Variants in UBE3D observed in about 807,000 individuals in gnomAD.
UBE3D encodes the protein ubiquitin protein ligase E3D.
In UBE3D, 48 loss-of-function variants were observed where a neutral mutation model predicts 49.6. The ratio of observed to expected loss-of-function variants is 0.97; its 90% CI spans 0.77 to 1.23. UBE3D has a LOEUF of 1.23. UBE3D is among the 50% of genes most tolerant of loss of function. UBE3D has a pLI of 0.00. For missense variants in UBE3D, 452 were observed against 468.4 expected (o/e 0.96, Z 0.32); for synonymous variants, 189 against 174.2 (o/e 1.08, Z -0.67).
At chr6:82,888,136 C>A (rs902389205), downstream of UBE3D, among the ~76,000 whole-genome samples, 1 of 151,992 alleles carries the variant, frequency 6.6e-6, no homozygotes, top group Non-Finnish European at 1.5e-5. Context: ...TTTCAATCTG[C>A]AGAAAGCCTG....
chr6:83,062,674 C>T (rs941401394), intron 1 of UBE3D, among the ~76,000 whole-genome samples: 20 of 152,110 alleles, frequency 1.3e-4, no homozygotes, highest in African/African-American at 3.9e-4. Context: ...AACTAGCATA[C>T]AGTTTTATGC....
chr6:82,946,482 C>G (rs1338522384), intron 9 of UBE3D, among the ~76,000 whole-genome samples: 2 of 151,940 alleles, frequency 1.3e-5, no homozygotes, highest in Non-Finnish European at 2.9e-5. Flanking sequence ...ATTTCAACAC[C>G]AGACCTGTCC....
At chr6:82,969,607 AAAAAC>A (rs1324714425) in intron 8 of UBE3D, among the ~76,000 whole-genome samples, 1 of 152,044 alleles carries the variant, frequency 6.6e-6, no homozygotes, top group African/African-American at 2.4e-5. Context: ...GACCCTCTCT[AAAAAC>A]AAAACAAAAC....
chr6:82,899,988 G>A (rs1318293893), intron 9 of UBE3D, among the ~76,000 whole-genome samples: 2 of 152,174 alleles, frequency 1.3e-5, no homozygotes, highest in Non-Finnish European at 2.9e-5. Context: ...GGGTGTTAAA[G>A]CACAAGATAT....
At position 82,892,892 on chromosome 6, in the gene UBE3D, A is replaced by G; in HGVS notation, c.*130T>C. The G allele has an allele frequency of 8.3e-6, 9 of 1,082,424 alleles. No individual in the cohort carries two copies. The highest frequency in any genetic ancestry group is 1.3e-5 in the Non-Finnish European group (9 of 705,562). The allele number at this position is 1,082,424 out of a possible 1,614,324, so 67.1% of individuals were successfully genotyped here. A position where few individuals can be genotyped will look rare whatever the true frequency, so the allele number is the denominator to read the frequency against. On this transcript the variant is annotated 3_prime_UTR_variant, in exon 10 of 10. Transcript: ENST00000369747. Reference sequence around the variant, plus strand: ...GCAAACAAGTAAACTTAAAACTTCAATGCAATGCTCTTATCCCATAGCTCT... The same window carrying G: ...GCAAACAAGTAAACTTAAAACTTCAGTGCAATGCTCTTATCCCATAGCTCT...
At chr6:82,913,378 G>A (rs954120280) in intron 9 of UBE3D, among the ~76,000 whole-genome samples, 1 of 152,176 alleles carries the variant, frequency 6.6e-6, no homozygotes, top group Non-Finnish European at 1.5e-5. Flanking sequence ...CTCAGAAAAG[G>A]AATGACAGGG....
chr6:82,976,886 G>A (rs1173137029), intron 8 of UBE3D, among the ~76,000 whole-genome samples: 3 of 151,934 alleles, frequency 2.0e-5, no homozygotes, highest in African/African-American at 7.2e-5. Context: ...AGGCCGAGGC[G>A]GGCAGATCAT....
At chr6:82,949,111 T>G (rs1173409633) in intron 9 of UBE3D, among the ~76,000 whole-genome samples, 2 of 152,086 alleles carry the variant, frequency 1.3e-5, no homozygotes, top group Non-Finnish European at 2.9e-5. Flanking sequence ...ATCTTATATT[T>G]AGAAAAACCT....
intron 8 of UBE3D, among the ~76,000 whole-genome samples, chr6:83,001,341 C>G (rs534202233): frequency 6.6e-6 from 1 of 152,204 alleles, no homozygotes; most frequent in Non-Finnish European, 1.5e-5. Context: ...ATACCTAGCA[C>G]AAGAGTACAC....
intron 8 of UBE3D, among the ~76,000 whole-genome samples, chr6:83,006,243 A>AAAC (rs1431235220): frequency 4.0e-4 from 61 of 152,020 alleles, no homozygotes; most frequent in East Asian, 7.7e-4. Context: ...AACAAACAAA[A>AAAC]AAAAAAAAGT....
At chr6:82,900,311 A>G (rs989860711) in intron 9 of UBE3D, among the ~76,000 whole-genome samples, 3 of 152,190 alleles carry the variant, frequency 2.0e-5, no homozygotes, top group Non-Finnish European at 2.9e-5. Context: ...ATTTTAATAT[A>G]TCATATTTAA....
At chr6:82,940,333 G>A (rs1234291347) in intron 9 of UBE3D, among the ~76,000 whole-genome samples, 1 of 152,212 alleles carries the variant, frequency 6.6e-6, no homozygotes, top group African/African-American at 2.4e-5. Context: ...CATCCAAATT[G>A]CTGAGGCAAT....
rs76024011 is a variant in UBE3D, at chr6:83,056,249, A to G, written c.274+1577T>C. ...CAATACTATGTCCCTGGTGGTCTCT[A>G]TTCCTCCATCTCTAAAATCACAATC... On this transcript the variant is annotated intron_variant, in intron 2 of 9. Transcript: ENST00000369747. Among the ~76,000 whole-genome samples, 252 of 152,298 alleles carry G rather than the reference A, an allele frequency of 1.7e-3. 8 individuals are homozygous for G. The East Asian group carries it at 0.037, about 22-fold the overall frequency.
intron 9 of UBE3D, among the ~76,000 whole-genome samples, chr6:82,939,108 A>G (rs1458902769): frequency 6.6e-6 from 1 of 152,074 alleles, no homozygotes; most frequent in Non-Finnish European, 1.5e-5. Flanking sequence ...ATGTCATCAC[A>G]GAATTAGACA....
At chr6:82,943,149 T>A (rs1775138335) in intron 9 of UBE3D, among the ~76,000 whole-genome samples, 1 of 152,248 alleles carries the variant, frequency 6.6e-6, no homozygotes, top group Non-Finnish European at 1.5e-5. Flanking sequence ...GATTTCAGAC[T>A]TACATGGGGC....
chr6:82,905,568 C>T (rs759690643), intron 9 of UBE3D, among the ~76,000 whole-genome samples: 3 of 152,076 alleles, frequency 2.0e-5, no homozygotes, highest in South Asian at 4.1e-4. Context: ...CTACAGTGGC[C>T]TCTAAATGTT....
rs192363714 is a variant in UBE3D at position 83,006,097 on chromosome 6, C to T, written c.1010+12876G>A. Among the ~76,000 whole-genome samples the T allele has an allele frequency of 2.4e-4, 36 of 152,198 alleles. 1 individual carries two copies. The highest frequency in any genetic ancestry group is 7.9e-4 in the African/African-American group (33 of 41,540). ...AAAATTAGCCAGGCATGATGGCTCA[C>T]GCCTGTAATCCCAGCTACTTGGGAG... On this transcript the variant is annotated intron_variant, in intron 8 of 9. Coordinates refer to ENST00000369747, the MANE Select transcript of UBE3D (RefSeq NM_198920.3).
chr6:83,012,498 A>G (rs1780410684), intron 8 of UBE3D, among the ~76,000 whole-genome samples: 1 of 152,194 alleles, frequency 6.6e-6, no homozygotes, highest in Admixed American at 6.5e-5. Context: ...CACTTTCTTC[A>G]TGGACCTATT....
chr6:82,889,441 G>A (rs1405090719), downstream of UBE3D, among the ~76,000 whole-genome samples: 1 of 152,136 alleles, frequency 6.6e-6, no homozygotes, highest in Non-Finnish European at 1.5e-5. Context: ...AATCAAACAC[G>A]CTTTGCTAAT....
Sources: gnomAD v4.1 joint callset for allele counts (sites outside exome capture counted in the v4.1 genomes callset) on GRCh38, gnomAD v4.1.1 for gene constraint, MANE v1.5 for transcripts, NCBI Gene and HGNC (gene_info 2026-07-23, HGNC 2026-07-21) for gene names.